SEMA3D: variants seen among roughly 807,000 people sequenced by gnomAD.
SEMA3D encodes the protein semaphorin 3D, also known as semaphorin-3D.
In SEMA3D, 84 loss-of-function variants were observed where a neutral mutation model predicts 100.1. That is an observed-to-expected ratio of 0.84 (90% CI 0.70 to 1.01). SEMA3D has a LOEUF of 1.01. SEMA3D is among the 50% of genes least tolerant of loss of function. The pLI, the probability that SEMA3D is intolerant of heterozygous loss-of-function variation, is 0.00. For synonymous variants in SEMA3D, 312 were observed against 320.7 expected (o/e 0.97, Z 0.29); for missense variants, 875 against 934.1 (o/e 0.94, Z 0.82).
At chr7:85,119,806 C>A (rs1385101591) in intron 3 of SEMA3D, among the ~76,000 whole-genome samples, 2 of 152,052 alleles carry the variant, frequency 1.3e-5, no homozygotes, top group African/African-American at 4.8e-5. Flanking sequence ...CACCTGAGTG[C>A]CCCAGGTTTG....
intron 12 of SEMA3D, among the ~76,000 whole-genome samples, chr7:85,036,521 A>T (rs1423278816): frequency 6.6e-6 from 1 of 152,138 alleles, no homozygotes; most frequent in Non-Finnish European, 1.5e-5. Context: ...GGATTAGAAG[A>T]CTCGAGCTAT....
At chr7:85,213,407 A>C in the SEMA3D span, among the ~76,000 whole-genome samples, 1 of 152,072 alleles carries the variant, frequency 6.6e-6, no homozygotes, top group Non-Finnish European at 1.5e-5. Flanking sequence ...GGTATTCTTC[A>C]CATCATTTAT....
chr7:85,096,239 C>T (rs1377706379), intron 4 of SEMA3D, among the ~76,000 whole-genome samples: 9 of 151,364 alleles, frequency 5.9e-5, no homozygotes. Flanking sequence ...TCAATTGGCT[C>T]GTACTAGGAG....
intron 2 of SEMA3D, chr7:85,143,269 T>A (rs892740004): frequency 4.0e-6 from 2 of 505,800 alleles, no homozygotes; most frequent in African/African-American, 4.2e-5. Context: ...TCCAGTGATT[T>A]CAAAGTGATT....
intron 2 of SEMA3D, among the ~76,000 whole-genome samples, chr7:85,125,861 T>G (rs1304006071): frequency 1.3e-5 from 2 of 151,660 alleles, no homozygotes; most frequent in Non-Finnish European, 2.9e-5. Context: ...GAGAAGTAGG[T>G]GTGATTTAAC....
At chr7:85,029,183 C>T (rs1440913047) in intron 12 of SEMA3D, 5 of 675,586 alleles carry the variant, frequency 7.4e-6, no homozygotes, top group Non-Finnish European at 1.4e-5. Flanking sequence ...AGCTCACAGG[C>T]GTACCTCCTG....
chr7:85,051,007 A>T (rs1006771969), intron 9 of SEMA3D, among the ~76,000 whole-genome samples: 2 of 151,912 alleles, frequency 1.3e-5, no homozygotes, highest in Non-Finnish European at 2.9e-5. Flanking sequence ...CTGTAGTGTG[A>T]CCAGATATTT....
chr7:85,065,453 G>T lies in SEMA3D; in HGVS notation c.689C>A (p.Thr230Asn). 6.2e-7 allele frequency: 1 copy of T among 1,613,398 alleles called. No homozygotes were observed. Among genetic ancestry groups the T allele is most frequent in the Non-Finnish European group, 8.5e-7 (1 of 1,179,538 alleles). ...GPTHDHHYIR[T>N]DISEHYWLNG... ...GAGCCAGTAGTGCTCTGAAATGTCA[G>T]TTCTGATGTAGTGGTGGTCATGAGT... is the stretch of plus-strand genomic sequence containing the variant. The change falls in exon 8 of 19, where the codon ACT (threonine) becomes AAT (asparagine). Residue 230 changes from threonine to asparagine, a missense_variant. Coordinates refer to ENST00000284136, the MANE Select transcript of SEMA3D (RefSeq NM_001384900.1).
intron 1 of SEMA3D, chr7:85,159,768 G>C: frequency 1.2e-6 from 1 of 850,124 alleles, no homozygotes; most frequent in Admixed American, 6.2e-5. Context: ...ATTTGATGTA[G>C]CTGCAGAGCT....
chr7:85,098,093 A>G, intron 3 of SEMA3D, 128 bp from the exon 4 acceptor site: 1 of 577,240 alleles, frequency 1.7e-6, no homozygotes, highest in Non-Finnish European at 2.8e-6. Flanking sequence ...AGAAAGAAAA[A>G]AGAAAGAAAG....
At chr7:85,201,759 C>T in the SEMA3D span, among the ~76,000 whole-genome samples, 14 of 151,862 alleles carry the variant, frequency 9.2e-5, no homozygotes, top group Non-Finnish European at 1.9e-4. Flanking sequence ...CTCTCTCTGT[C>T]TCCCAGGCTG....
At chr7:85,220,654 AATAT>A in the SEMA3D span, among the ~76,000 whole-genome samples, 1 of 152,112 alleles carries the variant, frequency 6.6e-6, no homozygotes, top group Admixed American at 6.6e-5. Context: ...TTTAAAAGAT[AATAT>A]ATATGTTATG....
the SEMA3D span, among the ~76,000 whole-genome samples, chr7:85,224,556 A>C: frequency 2.0e-5 from 3 of 152,174 alleles, no homozygotes; most frequent in South Asian, 2.1e-4. Context: ...TGAAAAGGAA[A>C]CTGCCTAAAG....
At chr7:85,015,770 T>C (rs1051220912) in intron 15 of SEMA3D, among the ~76,000 whole-genome samples, 1 of 151,852 alleles carries the variant, frequency 6.6e-6, no homozygotes, top group Non-Finnish European at 1.5e-5. Flanking sequence ...AGGGATGCTA[T>C]ATCACAAATG....
At chr7:85,226,618 G>T in the SEMA3D span, among the ~76,000 whole-genome samples, 1 of 151,972 alleles carries the variant, frequency 6.6e-6, no homozygotes, top group Admixed American at 6.6e-5. Flanking sequence ...AGTTTGTTTT[G>T]GTGGATAGTC....
chr7:85,066,907 C>CACACACAT (rs1309590293), intron 7 of SEMA3D, among the ~76,000 whole-genome samples: 11 of 109,832 alleles, frequency 1.0e-4, no homozygotes, highest in African/African-American at 1.5e-4. Flanking sequence ...CACACACACA[C>CACACACAT]ACACACAGAG....
intron 2 of SEMA3D, among the ~76,000 whole-genome samples, chr7:85,123,393 A>AG (rs1469084902): frequency 6.6e-6 from 1 of 152,158 alleles, no homozygotes; most frequent in East Asian, 1.9e-4. Context: ...TTTTGTAATT[A>AG]GTTAACATTC....
chr7:85,248,535 A>G, the SEMA3D span, among the ~76,000 whole-genome samples: 1 of 152,208 alleles, frequency 6.6e-6, no homozygotes, highest in African/African-American at 2.4e-5. Flanking sequence ...GATGTTTATA[A>G]CAATTTGATT....
At position 85,020,294 on chromosome 7, in the gene SEMA3D, C is replaced by T; in HGVS notation, c.1442G>A (p.Ser481Asn). 6.2e-7 allele frequency: 1 copy of T among 1,609,898 alleles called. No homozygotes were observed. Residue 481 changes from serine (S) to asparagine (N), a missense_variant, in exon 14 of 19, where the codon AGC becomes AAC. Physicochemically the swap from Ser to Asn is conservative, Grantham distance 46. Coordinates refer to ENST00000284136, the MANE Select transcript of SEMA3D (RefSeq NM_001384900.1). Reference sequence around the variant, plus strand: ...CATATTCCACTTTTCCTTTGAAATGCTGACAACTTTGAGGACAGTTCCAAT... The same window carrying T: ...CATATTCCACTTTTCCTTTGAAATGTTGACAACTTTGAGGACAGTTCCAAT... ...TDIGTVLKVVSISKEKWNMEE... is the reference protein window; with the variant it reads ...TDIGTVLKVVNISKEKWNMEE...
Sources: allele counts gnomAD v4.1 joint callset (sites outside exome capture counted in the v4.1 genomes callset), GRCh38; gene constraint gnomAD v4.1.1; transcripts MANE v1.5; gene names NCBI Gene and HGNC (gene_info 2026-07-23, HGNC 2026-07-21).